The following ZFHX3 variants were observed in gnomAD, a reference collection of about 807,000 sequenced individuals.
The protein encoded by ZFHX3 is zinc finger homeobox protein 3.
Under a neutral mutation model 279.1 loss-of-function variants are expected in ZFHX3, and 42 were observed. The ratio of observed to expected loss-of-function variants is 0.15; its 90% CI spans 0.12 to 0.19. ZFHX3 has a LOEUF of 0.19. Among genes scored for constraint, ZFHX3 ranks in the 10% least tolerant of loss-of-function variants. The pLI, the probability that ZFHX3 is intolerant of heterozygous loss-of-function variation, is 1.00. For missense variants in ZFHX3, 4,981 were observed against 4,754.0 expected, an observed-to-expected ratio of 1.05 and a Z score of -1.40; for synonymous variants, 2,293 against 1,957.8, an observed-to-expected ratio of 1.17 and a Z score of -4.52.
At chr16:73,279,729 T>C (rs1410311640) in intron 4 of ZFHX3, among the ~76,000 whole-genome samples, 3 of 152,142 alleles carry the variant, frequency 2.0e-5, no homozygotes, top group African/African-American at 7.2e-5. Context: ...CATGAGGACA[T>C]ACAGCTGCAG....
At chr16:73,754,833 G>T (rs879661870) in intron 1 of ZFHX3, among the ~76,000 whole-genome samples, 1 of 152,078 alleles carries the variant, frequency 6.6e-6, no homozygotes, top group African/African-American at 2.4e-5. Flanking sequence ...TTCACTCAGG[G>T]TCTTTCTGCC....
intron 4 of ZFHX3, among the ~76,000 whole-genome samples, chr16:73,302,825 T>A (rs1001582626): frequency 6.6e-6 from 1 of 152,130 alleles, no homozygotes; most frequent in Non-Finnish European, 1.5e-5. Flanking sequence ...GCCACATCCC[T>A]CAGGACAGAG....
intron 3 of ZFHX3, among the ~76,000 whole-genome samples, chr16:73,329,262 C>T (rs1371596482): frequency 6.6e-6 from 1 of 152,212 alleles, no homozygotes; most frequent in Non-Finnish European, 1.5e-5. Flanking sequence ...TGGTGGTGCT[C>T]CACATGGTGG....
At chr16:73,605,795 A>G (rs1033518141) in intron 2 of ZFHX3, among the ~76,000 whole-genome samples, 2 of 152,174 alleles carry the variant, frequency 1.3e-5, no homozygotes, top group Non-Finnish European at 2.9e-5. Context: ...GCCAAGAGGT[A>G]AAGTGAAAGC....
chr16:73,180,683 G>C (rs1391050314), intron 5 of ZFHX3, among the ~76,000 whole-genome samples: 2 of 150,804 alleles, frequency 1.3e-5, no homozygotes, highest in Admixed American at 6.6e-5. Context: ...TTTTTTTTGA[G>C]ACAGAATCTC....
intron 3 of ZFHX3, among the ~76,000 whole-genome samples, chr16:72,931,608 GAAT>G (rs1959812489): frequency 6.6e-6 from 1 of 151,410 alleles, no homozygotes; most frequent in African/African-American, 2.4e-5. Context: ...AAAAATTTTG[GAAT>G]ATTTTAAATT....
chr16:72,988,216 A>T lies in ZFHX3; in HGVS notation c.-49-28022T>A, dbSNP rs150490564. 3.7e-3 allele frequency among the ~76,000 whole-genome samples: 564 copies of T among 152,212 alleles called. 3 individuals are homozygous for T. Among genetic ancestry groups the T allele is most frequent in the African/African-American group, 0.012 (519 of 41,522 alleles). ...AATTTGACCTCCACAAAATACATCA[A>T]CCCACTAGGAACAAATTTAGAAGCT... On this transcript the variant is annotated intron_variant, in intron 1 of 9. Coordinates refer to ENST00000268489, the MANE Select transcript of ZFHX3 (RefSeq NM_006885.4).
chr16:73,342,562 G>T (rs999290007), intron 3 of ZFHX3, among the ~76,000 whole-genome samples: 1 of 152,124 alleles, frequency 6.6e-6, no homozygotes, highest in African/African-American at 2.4e-5. Flanking sequence ...AAGAAAACGG[G>T]TGCAAAAGAT....
Position 72,787,207 on chromosome 16 carries a change from T to C in ZFHX3, c.11069A>G (p.Asp3690Gly). ...CGTTCCTACACTGGTCAGACCACTG[T>C]CCTTGGGGCAGCTGGGGTCTTTGGG... Reference protein sequence around the residue: ...EGPKDPSCPKDSGLTSVGTDT... With the variant: ...EGPKDPSCPKGSGLTSVGTDT... Residue 3690 changes from aspartate to glycine, a missense_variant, in exon 10 of 10, where the codon GAC becomes GGC. Coordinates refer to ENST00000268489, the MANE Select transcript of ZFHX3 (RefSeq NM_006885.4). The C allele has an allele frequency of 6.2e-7, 1 of 1,613,962 alleles. No individual in the cohort carries two copies. The highest frequency in any genetic ancestry group is 8.5e-7 in the Non-Finnish European group (1 of 1,179,904).
chr16:73,170,223 G>GATTTTTTTTTTTTTT (rs1207492702), intron 5 of ZFHX3, among the ~76,000 whole-genome samples: 1 of 57,718 alleles, frequency 1.7e-5, no homozygotes, highest in Non-Finnish European at 2.9e-5. Flanking sequence ...CCTTTCACTA[G>GATTTTTTTTTTTTTT]TTTTTTTTTT....
intron 1 of ZFHX3, among the ~76,000 whole-genome samples, chr16:73,884,882 T>G (rs1003668817): frequency 6.6e-6 from 1 of 152,216 alleles, no homozygotes; most frequent in Non-Finnish European, 1.5e-5. Context: ...TAGAACTTAA[T>G]TAGCTGCAAA....
At chr16:72,900,155 A>AC (rs1555528624) in intron 3 of ZFHX3, among the ~76,000 whole-genome samples, 5,877 of 149,514 alleles carry the variant, frequency 0.039, 167 homozygotes, top group Non-Finnish European at 0.06. Flanking sequence ...AAAAAAAAAA[A>AC]CAAGAAGTGT....
chr16:73,354,639 G>C (rs968232973), intron 3 of ZFHX3, among the ~76,000 whole-genome samples: 3 of 152,200 alleles, frequency 2.0e-5, no homozygotes, highest in Non-Finnish European at 2.9e-5. Flanking sequence ...CCCCAAACAG[G>C]AGGCCAAGAA....
At chr16:73,155,772 G>A (rs1045536502) in intron 5 of ZFHX3, among the ~76,000 whole-genome samples, 9 of 151,614 alleles carry the variant, frequency 5.9e-5, no homozygotes, top group South Asian at 4.2e-4. Context: ...ACAGTGAGCC[G>A]AGATCGCGCC....
At chr16:73,283,580 T>A (rs961621272) in intron 4 of ZFHX3, among the ~76,000 whole-genome samples, 1 of 152,210 alleles carries the variant, frequency 6.6e-6, no homozygotes, top group African/African-American at 2.4e-5. Context: ...GAAAGTTCCC[T>A]AATGGAGTAA....
chr16:73,537,061 A>G (rs561701640), intron 2 of ZFHX3, among the ~76,000 whole-genome samples: 13 of 152,136 alleles, frequency 8.5e-5, no homozygotes, highest in Non-Finnish European at 1.9e-4. Flanking sequence ...TAAGTTATCT[A>G]TTTCATCACA....
chr16:73,229,621 T>C (rs2012709734), intron 5 of ZFHX3, among the ~76,000 whole-genome samples: 1 of 152,162 alleles, frequency 6.6e-6, no homozygotes, highest in South Asian at 2.1e-4. Context: ...TATCTGAAAT[T>C]CCCCTCTTTT....
intron 8 of ZFHX3, among the ~76,000 whole-genome samples, chr16:73,082,940 T>A (rs1965967258): frequency 6.6e-6 from 1 of 151,534 alleles, no homozygotes; most frequent in Non-Finnish European, 1.5e-5. Context: ...TCTTAGCACT[T>A]TGGGAGGCCG....
At chr16:72,822,866 A>G (rs773213706) in intron 5 of ZFHX3, among the ~76,000 whole-genome samples, 41 of 149,390 alleles carry the variant, frequency 2.7e-4, no homozygotes, top group Non-Finnish European at 4.3e-4. Flanking sequence ...TATTTGTTCA[A>G]CTGATGTGGT....
Sources: gnomAD v4.1 joint callset for allele counts (sites outside exome capture counted in the v4.1 genomes callset) on GRCh38, gnomAD v4.1.1 for gene constraint, MANE v1.5 for transcripts, NCBI Gene and HGNC (gene_info 2026-07-23, HGNC 2026-07-21) for gene names.